IQGAP2: variants seen among roughly 807,000 people sequenced by gnomAD.
IQGAP2 encodes IQ motif containing GTPase activating protein 2, also known as ras GTPase-activating-like protein IQGAP2.
Under a neutral mutation model 201.3 loss-of-function variants are expected in IQGAP2, and 173 were observed. That is an observed-to-expected ratio of 0.86 (90% confidence interval 0.76 to 0.98). The LOEUF (loss-of-function observed/expected upper bound fraction) is 0.98. Among genes scored for constraint, IQGAP2 ranks in the 50% least tolerant of loss-of-function variants. The pLI is 0.00. For synonymous variants in IQGAP2, 675 were observed against 673.9 expected, an observed-to-expected ratio of 1.00 and a Z score of -0.03; for missense variants, 1,687 against 1,864.8, an observed-to-expected ratio of 0.90 and a Z score of 1.76.
rs559309711 is a variant in IQGAP2, at chr5:76,572,776, C to T, written c.381+2119C>T. On this transcript the variant is annotated intron_variant, in intron 4 of 35. Coordinates refer to ENST00000274364, the MANE Select transcript of IQGAP2 (RefSeq NM_006633.5). ...TTAAAAAATTATTTAGGAGTGGTCT[C>T]GCTGGAGGTCAAGAGGATAAGCTAC... Among the ~76,000 whole-genome samples the T allele has an allele frequency of 9.9e-5, 15 of 152,198 alleles. No individual in the cohort carries two copies. The South Asian group carries it at 2.9e-3, about 29-fold the overall frequency.
chr5:76,660,141 C>CG (rs938925313), intron 21 of IQGAP2: 4 of 152,106 alleles, frequency 2.6e-5, no homozygotes, highest in African/African-American at 9.7e-5. Flanking sequence ...TTCTGGACAA[C>CG]GGGGAGATGA....
chr5:76,654,284 C>T lies in IQGAP2; in HGVS notation c.2250+13C>T, dbSNP rs748553889. 4 of 1,563,196 alleles carry T rather than the reference C, an allele frequency of 2.6e-6. No individual in the cohort carries two copies. Among genetic ancestry groups the T allele is most frequent in the Admixed American group, 1.8e-5 (1 of 56,948 alleles). Reference sequence around the variant, plus strand: ...TTTCAGAGATCATGTAAGAAAAATGCCTGTGGGATTTTATCCAGGTTGATA... The same window carrying T: ...TTTCAGAGATCATGTAAGAAAAATGTCTGTGGGATTTTATCCAGGTTGATA... On this transcript the variant is annotated intron_variant, in intron 19 of 35. Transcript: ENST00000274364.
chr5:76,436,517 A>G (rs991343910), intron 1 of IQGAP2, among the ~76,000 whole-genome samples: 2 of 21,042 alleles, frequency 9.5e-5, no homozygotes, highest in Admixed American at 1.0e-3. Flanking sequence ...ATATATATAT[A>G]TTTTTTTTTT....
intron 17 of IQGAP2, among the ~76,000 whole-genome samples, chr5:76,645,913 G>A (rs920474878): frequency 1.3e-5 from 2 of 151,950 alleles, no homozygotes; most frequent in Non-Finnish European, 1.5e-5. Context: ...TACTATGACA[G>A]GTCACTTATT....
At chr5:76,560,849 C>T (rs1451286853) in intron 2 of IQGAP2, among the ~76,000 whole-genome samples, 1 of 152,166 alleles carries the variant, frequency 6.6e-6, no homozygotes, top group Admixed American at 6.5e-5. Context: ...CAGTCGATGC[C>T]TGAGACTGAA....
At chr5:76,670,995 G>T (rs1327869812) in intron 23 of IQGAP2, among the ~76,000 whole-genome samples, 1 of 152,180 alleles carries the variant, frequency 6.6e-6, no homozygotes, top group African/African-American at 2.4e-5. Flanking sequence ...GGGAACAGTG[G>T]CTCACGCCTG....
At chr5:76,629,744 C>T (rs1420645394) in intron 14 of IQGAP2, among the ~76,000 whole-genome samples, 1 of 152,160 alleles carries the variant, frequency 6.6e-6, no homozygotes, top group Admixed American at 6.5e-5. Flanking sequence ...CTATCACCTC[C>T]ACTGTGAATG....
At chr5:76,563,857 A>G (rs1232538181) in intron 3 of IQGAP2, among the ~76,000 whole-genome samples, 2 of 152,314 alleles carry the variant, frequency 1.3e-5, no homozygotes, top group African/African-American at 4.8e-5. Context: ...TGCATGATTC[A>G]TAGTACCCTT....
chr5:76,572,639 T>A (rs989869990), intron 4 of IQGAP2, among the ~76,000 whole-genome samples: 4 of 152,178 alleles, frequency 2.6e-5, no homozygotes, highest in Admixed American at 6.5e-5. Context: ...GGTTTCCACA[T>A]GTTGGCCAGG....
At chr5:76,656,674 G>A (rs1416150898) in intron 20 of IQGAP2, among the ~76,000 whole-genome samples, 2 of 150,830 alleles carry the variant, frequency 1.3e-5, no homozygotes, top group East Asian at 3.9e-4. Flanking sequence ...TTTTTTGTTT[G>A]TTTACTTTTT....
chr5:76,652,792 A>C lies in IQGAP2; in HGVS notation c.2137A>C (p.Arg713=). Residue 713 remains arginine, a synonymous_variant, in exon 18 of 36, where the codon AGG becomes CGG. Transcript: ENST00000274364. ...GYKQRKEYMH[R]RQTFIDNTDS... ...TAAACAACGGAAGGAGTATATGCACAGGCGGCAAACGTTCATTGATAATAC... is the reference window on the plus strand; with the variant it reads ...TAAACAACGGAAGGAGTATATGCACCGGCGGCAAACGTTCATTGATAATAC... 6.2e-7 allele frequency: 1 copy of C among 1,611,584 alleles called. No individual in the cohort carries two copies. The highest frequency in any genetic ancestry group is 8.5e-7 in the Non-Finnish European group (1 of 1,177,606).
intron 3 of IQGAP2, among the ~76,000 whole-genome samples, chr5:76,564,464 C>G (rs1349017340): frequency 1.3e-5 from 2 of 152,150 alleles, no homozygotes; most frequent in East Asian, 3.8e-4. Context: ...GGAAGACGGG[C>G]CCTTCATGGA....
chr5:76,643,821 A>G (rs1197904058), intron 17 of IQGAP2, among the ~76,000 whole-genome samples: 1 of 152,298 alleles, frequency 6.6e-6, no homozygotes, highest in East Asian at 1.9e-4. Context: ...TCACTTCGCC[A>G]GGAGCAGTGG....
At chr5:76,523,999 A>G (rs1382088608) in intron 2 of IQGAP2, among the ~76,000 whole-genome samples, 1 of 152,138 alleles carries the variant, frequency 6.6e-6, no homozygotes, top group Admixed American at 6.5e-5. Flanking sequence ...AAGAAATCTT[A>G]AACTCAAGCA....
At chr5:76,706,965 C>T (rs1315582607) in intron 35 of IQGAP2, among the ~76,000 whole-genome samples, 1 of 152,168 alleles carries the variant, frequency 6.6e-6, no homozygotes, top group Non-Finnish European at 1.5e-5. Flanking sequence ...AGTTTTAGAA[C>T]CCCCATCTAT....
rs1561416558 is a variant in IQGAP2 at position 76,496,761 on chromosome 5, C to CTTTCTTTCTTTCT, written c.146+35095_146+35107dup. The stretch of plus-strand genomic sequence containing the variant: ...TCTTTCTTTCTTTCTTTCTTTCTTT[C>CTTTCTTTCTTTCT]TTTCTTTCTTTCTTTCTTTCTTTCT... On this transcript the variant is annotated intron_variant, in intron 2 of 35. Coordinates refer to ENST00000274364, the MANE Select transcript of IQGAP2 (RefSeq NM_006633.5). 5.4e-3 allele frequency among the ~76,000 whole-genome samples: 485 copies of CTTTCTTTCTTTCT among 89,078 alleles called. 15 individuals are homozygous for CTTTCTTTCTTTCT. Among genetic ancestry groups the CTTTCTTTCTTTCT allele is most frequent in the Middle Eastern group, 0.015 (3 of 204 alleles). 58.4% of individuals were successfully genotyped at this position (89,078 alleles called of 152,430 possible). A position where few individuals can be genotyped will look rare whatever the true frequency, so the allele number is the denominator to read the frequency against.
chr5:76,583,662 A>T (rs1019531340), intron 5 of IQGAP2, among the ~76,000 whole-genome samples: 10 of 152,220 alleles, frequency 6.6e-5, no homozygotes, highest in African/African-American at 2.4e-4. Flanking sequence ...ACTTTTACTT[A>T]AGCCAGGATG....
intron 2 of IQGAP2, among the ~76,000 whole-genome samples, chr5:76,526,734 T>G (rs1758997402): frequency 6.6e-6 from 1 of 152,164 alleles, no homozygotes; most frequent in African/African-American, 2.4e-5. Context: ...ACCACTGCCT[T>G]CTTGGATTGT....
chr5:76,698,231 G>C, intron 33 of IQGAP2, 84 bp downstream of exon 33: 1 of 1,053,958 alleles, frequency 9.5e-7, no homozygotes, highest in Non-Finnish European at 1.3e-6. Context: ...AGTTGGGTTG[G>C]GTATGGAAGA....
Sources: allele counts gnomAD v4.1 joint callset (sites outside exome capture counted in the v4.1 genomes callset), GRCh38; gene constraint gnomAD v4.1.1; transcripts MANE v1.5; gene names NCBI Gene and HGNC (gene_info 2026-07-23, HGNC 2026-07-21).